DLEC1: variants seen among roughly 807,000 people sequenced by gnomAD.
The protein encoded by DLEC1 is deleted in lung and esophageal cancer protein 1.
A neutral mutation model predicts 198.1 loss-of-function variants in DLEC1; 146 were observed. The observed-to-expected ratio is 0.74, with a 90% confidence interval of 0.64 to 0.85. The LOEUF is 0.85. DLEC1 is among the 40% of genes least tolerant of loss of function. The pLI is 0.00. For missense variants in DLEC1, 2,233 were observed against 2,220.0 expected (o/e 1.01, Z -0.12); for synonymous variants, 897 against 866.8 (o/e 1.03, Z -0.61).
chr3:38,106,029 C>T (rs746929686), intron 19 of DLEC1, among the ~76,000 whole-genome samples: 1 of 152,144 alleles, frequency 6.6e-6, no homozygotes, highest in African/African-American at 2.4e-5. Flanking sequence ...AACTTAATTT[C>T]AGTAGTCTGA....
In DLEC1 at chr3:38,059,821, C is replaced by T. The variant is rs778527202; in HGVS notation, c.642C>T (p.Thr214=). The change falls in exon 3 of 37, where the codon ACC becomes ACT. Residue 214 remains threonine (T), a synonymous_variant. Coordinates refer to ENST00000308059, the MANE Select transcript of DLEC1 (RefSeq NM_007335.4). ...TGATCTCCCCAGAAGATTACTACAC[C>T]GATACAGTGCCGTTTCACTCTGCAC... The part of the protein sequence containing the change: ...HHLISPEDYY[T]DTVPFHSAPK... 5.1e-5 allele frequency: 82 copies of T among 1,614,016 alleles called. No homozygotes were observed. The highest frequency in any genetic ancestry group is 6.3e-5 in the Non-Finnish European group (74 of 1,180,020).
At chr3:38,067,454 A>G (rs1463690537) in intron 6 of DLEC1, among the ~76,000 whole-genome samples, 1 of 152,272 alleles carries the variant, frequency 6.6e-6, no homozygotes, top group African/African-American at 2.4e-5. Flanking sequence ...CCCAAAGCTC[A>G]GCAACTTAAA....
At position 38,068,034 on chromosome 3, in the gene DLEC1, G is replaced by A. The variant is rs146740004; in HGVS notation, c.1173+4115G>A. Reference sequence around the variant, plus strand: ...CTCCCAAAGTCCTGGGATTACAGGCGTGAGCCATTGTACCTGGCCAAGTAT... The same window carrying A: ...CTCCCAAAGTCCTGGGATTACAGGCATGAGCCATTGTACCTGGCCAAGTAT... On this transcript the variant is annotated intron_variant, in intron 6 of 36. Coordinates refer to ENST00000308059, the MANE Select transcript of DLEC1 (RefSeq NM_007335.4). 5.3e-3 allele frequency among the ~76,000 whole-genome samples: 808 copies of A among 152,288 alleles called. 10 individuals carry two copies. The highest frequency in any genetic ancestry group is 0.017 in the African/African-American group (726 of 41,556).
At chr3:38,069,450 C>G (rs1697199626) in intron 6 of DLEC1, among the ~76,000 whole-genome samples, 1 of 152,054 alleles carries the variant, frequency 6.6e-6, no homozygotes, top group South Asian at 2.1e-4. Flanking sequence ...TGCAGAAATA[C>G]TAGGTAAAAA....
In DLEC1 at chr3:38,045,533, C is replaced by T. The variant is rs36046028; in HGVS notation, c.412-10C>T. The T allele has an allele frequency of 0.19, 303,416 of 1,610,010 alleles. 30,981 individuals carry two copies. The highest frequency in any genetic ancestry group is 0.22 in the Middle Eastern group (1,323 of 6,038). On this transcript the variant is annotated splice_polypyrimidine_tract_variant and intron_variant, in intron 1 of 36. Transcript: ENST00000308059. ...CCATATTTCTGTGCATTTGATCATCCCCCTGCCAGATTCGGGAGCTCTATA... is the reference window on the plus strand; with the variant it reads ...CCATATTTCTGTGCATTTGATCATCTCCCTGCCAGATTCGGGAGCTCTATA...
In DLEC1 at chr3:38,122,431, A is replaced by T; in HGVS notation, c.*19A>T. ...GCCCTGAGGCTCCGCCCCAGCCCTCAGCCCCAGGCCCCAGCTGGAGAAAAA... is the reference window on the plus strand; with the variant it reads ...GCCCTGAGGCTCCGCCCCAGCCCTCTGCCCCAGGCCCCAGCTGGAGAAAAA... On this transcript the variant is annotated 3_prime_UTR_variant, in exon 37 of 37. Transcript: ENST00000308059. 6.2e-7 allele frequency: 1 copy of T among 1,614,164 alleles called. No homozygotes were observed. The highest frequency in any genetic ancestry group is 8.5e-7 in the Non-Finnish European group (1 of 1,180,022).
At chr3:38,096,488 A>C in intron 14 of DLEC1, 81 bp from the exon 15 acceptor site, 1 of 1,499,454 alleles carries the variant, frequency 6.7e-7, no homozygotes, top group Non-Finnish European at 8.9e-7. Context: ...TCACAAGGCC[A>C]AACGTGGGAC....
rs1452242079 is a variant in DLEC1 at position 38,063,848 on chromosome 3, G to A, written c.1102G>A (p.Asp368Asn). The part of the protein sequence containing the change: ...QSTEPEQSCA[D>N]TPVFLAKPPI... ...TCTTTTTTCATCCCACAGTTGTGCT[G>A]ATACTCCAGTGTTTCTAGCTAAGCC... The change falls in exon 6 of 37, where the codon GAT becomes AAT. Residue 368 changes from aspartate to asparagine, a missense_variant. By Grantham distance (23) the Asp-to-Asn change is conservative (BLOSUM62 1). Coordinates refer to ENST00000308059, the MANE Select transcript of DLEC1 (RefSeq NM_007335.4). 1.9e-6 allele frequency: 3 copies of A among 1,613,274 alleles called. No homozygotes were observed. The highest frequency in any genetic ancestry group is 2.5e-6 in the Non-Finnish European group (3 of 1,179,504).
chr3:38,113,967 C>T (rs997608126), intron 25 of DLEC1, among the ~76,000 whole-genome samples: 1 of 151,902 alleles, frequency 6.6e-6, no homozygotes, highest in African/African-American at 2.4e-5. Context: ...AAAGGGACTA[C>T]CAGAGGCCGA....
chr3:38,084,446 G>GGTA lies in DLEC1; in HGVS notation c.1261+203_1261+204insAGT, dbSNP rs1559430188. 4.8e-3 allele frequency among the ~76,000 whole-genome samples: 28 copies of GGTA among 5,774 alleles called. 1 individual carries two copies. The highest frequency in any genetic ancestry group is 6.2e-3 in the Non-Finnish European group (20 of 3,212). The allele number at this position is 5,774 out of a possible 152,430, so 3.8% of individuals were successfully genotyped here. A position where few individuals can be genotyped will look rare whatever the true frequency, so the allele number is the denominator to read the frequency against. On this transcript the variant is annotated intron_variant, in intron 7 of 36. Coordinates refer to ENST00000308059, the MANE Select transcript of DLEC1 (RefSeq NM_007335.4). ...TGGTAGTAGTAGTAGTGGTGGTGGT[G>GGTA]GTGGTGGTAGTAGTAATAGTAGTGG...
chr3:38,069,252 T>G (rs1301413717), intron 6 of DLEC1, among the ~76,000 whole-genome samples: 1 of 151,996 alleles, frequency 6.6e-6, no homozygotes, highest in African/African-American at 2.4e-5. Flanking sequence ...AACCCAAAAC[T>G]TTCCACAAAA....
chr3:38,069,998 G>A (rs925313536), intron 6 of DLEC1, among the ~76,000 whole-genome samples: 3 of 152,166 alleles, frequency 2.0e-5, no homozygotes. Context: ...CTGGGTGATG[G>A]AAACATGGCT....
At chr3:38,073,350 G>A (rs1295141663) in intron 6 of DLEC1, among the ~76,000 whole-genome samples, 1 of 152,212 alleles carries the variant, frequency 6.6e-6, no homozygotes, top group Non-Finnish European at 1.5e-5. Flanking sequence ...AGAAGCCCAT[G>A]CTGTAGCAGG....
chr3:38,063,973 A>T (rs1431898984), intron 6 of DLEC1, 54 bp downstream of exon 6: 1 of 1,299,282 alleles, frequency 7.7e-7, no homozygotes, highest in Admixed American at 2.2e-5. Flanking sequence ...TTATTTTTAA[A>T]AAGTCTTTAT....
At chr3:38,108,355 C>T (rs1431416340) in intron 20 of DLEC1, 50 bp from the exon 21 acceptor site, 4 of 1,471,364 alleles carry the variant, frequency 2.7e-6, no homozygotes, top group Non-Finnish European at 3.8e-6. Context: ...GATACTGGTC[C>T]ATTCTGGGAG....
At chr3:38,061,139 A>G (rs982658556) in intron 3 of DLEC1, among the ~76,000 whole-genome samples, 2 of 151,806 alleles carry the variant, frequency 1.3e-5, no homozygotes, top group Non-Finnish European at 2.9e-5. Context: ...GAATGTTCTC[A>G]TTTAACCTTT....
rs764539108 is a variant in DLEC1, at chr3:38,114,479, G to A, written c.3785+19G>A. The A allele has an allele frequency of 1.9e-6, 3 of 1,611,528 alleles. No homozygotes were observed. The highest frequency in any genetic ancestry group is 4.5e-5 in the East Asian group (2 of 44,868). ...CCATGAGGTGCTCCATGCTCAGCCTGAGCCTCTGCTCCCTGGTAGCCCCTG... is the reference window on the plus strand; with the variant it reads ...CCATGAGGTGCTCCATGCTCAGCCTAAGCCTCTGCTCCCTGGTAGCCCCTG... On this transcript the variant is annotated intron_variant, in intron 26 of 36. Transcript: ENST00000308059.
intron 1 of DLEC1, among the ~76,000 whole-genome samples, chr3:38,042,112 C>T (rs1700686984): frequency 6.6e-6 from 1 of 151,918 alleles, no homozygotes; most frequent in African/African-American, 2.4e-5. Context: ...CCTGCCTCAG[C>T]CTCCTGAGTA....
intron 20 of DLEC1, 142 bp downstream of exon 20, chr3:38,107,879 G>A: frequency 3.1e-6 from 3 of 978,312 alleles, no homozygotes; most frequent in Non-Finnish European, 4.4e-6. Context: ...TGCTCGTAGT[G>A]TGCATAAAAG....
Sources: allele counts gnomAD v4.1 joint callset (sites outside exome capture counted in the v4.1 genomes callset), GRCh38; gene constraint gnomAD v4.1.1; transcripts MANE v1.5; gene names NCBI Gene and HGNC (gene_info 2026-07-23, HGNC 2026-07-21).